TASP1: variants seen among roughly 807,000 people sequenced by gnomAD.
TASP1 encodes the protein taspase 1, also known as threonine aspartase 1.
TASP1 carries 16 observed loss-of-function variants against 56.6 expected under a neutral mutation model. The ratio of observed to expected loss-of-function variants is 0.28; its 90% CI spans 0.19 to 0.43. The LOEUF (loss-of-function observed/expected upper bound fraction) is 0.43. Ranked by LOEUF, TASP1 falls within the 20% of genes least tolerant of loss-of-function variation. The probability of loss-of-function intolerance (pLI) is 1.00; values close to 1 mark genes in which losing one functional copy is unlikely to be tolerated. For missense variants in TASP1, 393 were observed against 511.6 expected (o/e 0.77, Z 2.24); for synonymous variants, 179 against 184.2 (o/e 0.97, Z 0.23).
chr20:13,310,525 T>A, the TASP1 span, among the ~76,000 whole-genome samples: 1 of 152,158 alleles, frequency 6.6e-6, no homozygotes, highest in Non-Finnish European at 1.5e-5. Flanking sequence ...CAGAGATTTG[T>A]CTCCTGCCCA....
chr20:13,180,440 T>A, the TASP1 span, among the ~76,000 whole-genome samples: 1 of 152,138 alleles, frequency 6.6e-6, no homozygotes, highest in Non-Finnish European at 1.5e-5. Flanking sequence ...AAATTAATAT[T>A]TTCTTAATCT....
the TASP1 span, among the ~76,000 whole-genome samples, chr20:13,215,215 T>C: frequency 6.6e-6 from 1 of 152,254 alleles, no homozygotes; most frequent in African/African-American, 2.4e-5. Context: ...ATATTGAGAA[T>C]GTCTATTTAA....
At chr20:13,194,228 T>A in the TASP1 span, among the ~76,000 whole-genome samples, 3 of 152,170 alleles carry the variant, frequency 2.0e-5, no homozygotes, top group Non-Finnish European at 4.4e-5. Context: ...CTTTTTTCCT[T>A]CTCTGAGCTA....
At chr20:13,525,038 T>C (rs1051095323) in intron 10 of TASP1, among the ~76,000 whole-genome samples, 3 of 152,198 alleles carry the variant, frequency 2.0e-5, no homozygotes, top group African/African-American at 4.8e-5. Context: ...TATATTTTCC[T>C]GTAAAGCAAC....
At chr20:13,588,596 C>T (rs1458953007) in intron 4 of TASP1, among the ~76,000 whole-genome samples, 1 of 152,002 alleles carries the variant, frequency 6.6e-6, no homozygotes, top group Non-Finnish European at 1.5e-5. Context: ...AACAGAAATA[C>T]ATTTTTAAAA....
intron 10 of TASP1, among the ~76,000 whole-genome samples, chr20:13,483,994 C>T (rs2043232528): frequency 6.6e-6 from 1 of 152,128 alleles, no homozygotes; most frequent in African/African-American, 2.4e-5. Context: ...AAAAAGTGGG[C>T]AAAGGATATG....
intron 12 of TASP1, among the ~76,000 whole-genome samples, chr20:13,417,787 A>G (rs901373185): frequency 2.6e-5 from 4 of 152,218 alleles, no homozygotes; most frequent in South Asian, 2.1e-4. Flanking sequence ...CTCTTGTAAC[A>G]TTAAATGCAC....
At chr20:13,109,961 T>C in the TASP1 span, 1 of 602,466 alleles carries the variant, frequency 1.7e-6, no homozygotes, top group South Asian at 2.1e-5. Context: ...AATAGACCTC[T>C]GTCTCTCTCT....
the TASP1 span, among the ~76,000 whole-genome samples, chr20:13,111,295 G>A: frequency 6.6e-6 from 1 of 152,128 alleles, no homozygotes; most frequent in Admixed American, 6.5e-5. Flanking sequence ...AGTATGTACT[G>A]TTGATGAAGT....
At chr20:13,191,546 A>G in the TASP1 span, among the ~76,000 whole-genome samples, 116 of 152,352 alleles carry the variant, frequency 7.6e-4, no homozygotes, top group African/African-American at 2.7e-3. Flanking sequence ...CGTTGGTTAC[A>G]TAGAAGTAGA....
intron 1 of TASP1, among the ~76,000 whole-genome samples, chr20:13,638,453 G>C (rs942194661): frequency 2.0e-5 from 3 of 151,478 alleles, no homozygotes; most frequent in African/African-American, 4.8e-5. Flanking sequence ...AAGTGCTAAC[G>C]ACCCGCAGGA....
At chr20:13,337,471 A>G in the TASP1 span, among the ~76,000 whole-genome samples, 3 of 152,006 alleles carry the variant, frequency 2.0e-5, no homozygotes, top group African/African-American at 7.2e-5. Context: ...CTCAGACCTC[A>G]CTGGATATGG....
At chr20:13,193,833 G>A in the TASP1 span, among the ~76,000 whole-genome samples, 8 of 152,240 alleles carry the variant, frequency 5.3e-5, no homozygotes, top group African/African-American at 1.4e-4. Context: ...ATAGGAAAGC[G>A]GCATGCTAAT....
chr20:13,141,833 A>G, the TASP1 span, among the ~76,000 whole-genome samples: 1 of 152,214 alleles, frequency 6.6e-6, no homozygotes, highest in African/African-American at 2.4e-5. Context: ...TCAGTCCATG[A>G]TTAATCACCT....
At chr20:13,360,366 T>C in the TASP1 span, among the ~76,000 whole-genome samples, 4 of 151,450 alleles carry the variant, frequency 2.6e-5, no homozygotes, top group South Asian at 2.1e-4. Context: ...TTCTTCCTCA[T>C]CTGTTACCTA....
At chr20:13,164,339 C>T in the TASP1 span, 1 of 471,862 alleles carries the variant, frequency 2.1e-6, no homozygotes, top group African/African-American at 2.0e-5. Flanking sequence ...CGCAACATTC[C>T]TCTTTGTTCT....
At chr20:13,406,124 C>T (rs2041911203) in intron 13 of TASP1, among the ~76,000 whole-genome samples, 1 of 152,140 alleles carries the variant, frequency 6.6e-6, no homozygotes, top group African/African-American at 2.4e-5. Context: ...TCCTCTAACT[C>T]TGATCTTTTT....
the TASP1 span, among the ~76,000 whole-genome samples, chr20:13,362,831 A>ATATG: frequency 8.4e-6 from 1 of 118,966 alleles, no homozygotes; most frequent in East Asian, 2.2e-4. Flanking sequence ...ATATATATAT[A>ATATG]TATATATTTG....
the TASP1 span, among the ~76,000 whole-genome samples, chr20:13,375,098 TTTTAC>T: frequency 6.6e-6 from 1 of 152,182 alleles, no homozygotes; most frequent in African/African-American, 2.4e-5. Context: ...TTGTTTTGTT[TTTTAC>T]TTTAAGTTCT....
Sources: allele counts gnomAD v4.1 joint callset (sites outside exome capture counted in the v4.1 genomes callset), GRCh38; gene constraint gnomAD v4.1.1; transcripts MANE v1.5; gene names NCBI Gene and HGNC (gene_info 2026-07-23, HGNC 2026-07-21).